The following NPAS2 variants were observed in gnomAD, a reference collection of about 807,000 sequenced individuals.
NPAS2 encodes the protein neuronal PAS domain-containing protein 2.
In NPAS2, 23 loss-of-function variants were observed where a neutral mutation model predicts 107.5. The observed-to-expected ratio is 0.21, with a 90% confidence interval of 0.15 to 0.30. The LOEUF is 0.30. NPAS2 is among the 10% of genes least tolerant of loss of function. The pLI, the probability that NPAS2 is intolerant of heterozygous loss-of-function variation, is 1.00. For synonymous variants in NPAS2, 403 were observed against 417.5 expected, an observed-to-expected ratio of 0.97 and a Z score of 0.42; for missense variants, 756 against 1,043.3, an observed-to-expected ratio of 0.72 and a Z score of 3.79.
chr2:100,918,717 GA>G (rs1377677523), intron 2 of NPAS2, among the ~76,000 whole-genome samples: 8 of 152,288 alleles, frequency 5.3e-5, no homozygotes, highest in Non-Finnish European at 1.0e-4. Flanking sequence ...AACTTTCTTA[GA>G]TTAGCTAAAA....
chr2:100,860,576 A>G lies in NPAS2; in HGVS notation c.-23+40162A>G, dbSNP rs550821772. Among the ~76,000 whole-genome samples, 22 of 152,216 alleles carry G rather than the reference A, an allele frequency of 1.4e-4. 1 individual carries two copies. In the South Asian group the frequency reaches 4.1e-3, roughly 29 times the overall value. ...TGCCAAATGGTAAGTTTCTAATTCAATCCTCCCTTCTACGTGTGTTAGTTG... is the reference window on the plus strand; with the variant it reads ...TGCCAAATGGTAAGTTTCTAATTCAGTCCTCCCTTCTACGTGTGTTAGTTG... On this transcript the variant is annotated intron_variant, in intron 1 of 20. Transcript: ENST00000335681.
chr2:100,843,193 T>TG (rs1397661621), intron 1 of NPAS2, among the ~76,000 whole-genome samples: 2 of 147,014 alleles, frequency 1.4e-5, no homozygotes, highest in East Asian at 2.0e-4. Flanking sequence ...CACTCCAGCC[T>TG]GGTGACAGAG....
At chr2:100,964,355 T>C (rs1036092835) in intron 8 of NPAS2, among the ~76,000 whole-genome samples, 179 bp downstream of exon 8, 3 of 152,256 alleles carry the variant, frequency 2.0e-5, no homozygotes, top group Admixed American at 2.0e-4. Context: ...CCCCGTTTCC[T>C]GCAAGTGGTT....
chr2:100,909,691 A>G (rs1205776240), intron 2 of NPAS2, among the ~76,000 whole-genome samples: 2 of 150,088 alleles, frequency 1.3e-5, no homozygotes, highest in Non-Finnish European at 3.0e-5. Context: ...AAGCTCCCAC[A>G]CGGGGGGAAA....
chr2:100,914,584 T>C (rs1000650034), intron 2 of NPAS2, among the ~76,000 whole-genome samples: 5 of 152,184 alleles, frequency 3.3e-5, no homozygotes, highest in African/African-American at 9.7e-5. Context: ...CCCAGAAATA[T>C]GTTTCTTCAA....
chr2:100,858,947 AGTT>A (rs1678757902), intron 1 of NPAS2, among the ~76,000 whole-genome samples: 1 of 152,188 alleles, frequency 6.6e-6, no homozygotes, highest in South Asian at 2.1e-4. Flanking sequence ...CAAGAATATA[AGTT>A]GTTGGAGTAA....
intron 2 of NPAS2, among the ~76,000 whole-genome samples, chr2:100,909,491 G>A (rs1682389435): frequency 6.6e-6 from 1 of 152,232 alleles, no homozygotes; most frequent in Admixed American, 6.5e-5. Context: ...CAGAAAGGCT[G>A]TAGCCCTTTT....
chr2:100,967,812 T>C lies in NPAS2; in HGVS notation c.908-469T>C, dbSNP rs1573745628. 5.3e-5 allele frequency among the ~76,000 whole-genome samples: 8 copies of C among 152,286 alleles called. No homozygotes were observed. In the South Asian group the frequency reaches 1.5e-3, roughly 28 times the overall value. On this transcript the variant is annotated intron_variant, in intron 10 of 20. Transcript: ENST00000335681. ...GAGGCATCTGTCCCCGACTCTTTAT[T>C]TGAGAACTGTGTCGACTGGGCATGA...
At chr2:100,860,097 A>G (rs547975151) in intron 1 of NPAS2, among the ~76,000 whole-genome samples, 4 of 152,360 alleles carry the variant, frequency 2.6e-5, no homozygotes, top group African/African-American at 9.6e-5. Context: ...CTACAGATTC[A>G]GGATCCAATA....
chr2:100,989,650 G>A (rs989579011), intron 17 of NPAS2: 1 of 152,302 alleles, frequency 6.6e-6, no homozygotes, highest in Admixed American at 6.5e-5. Context: ...CTCCCTGCGT[G>A]CCAGGCACTA....
intron 1 of NPAS2, among the ~76,000 whole-genome samples, chr2:100,825,880 G>A (rs969718696): frequency 2.0e-5 from 3 of 152,188 alleles, no homozygotes; most frequent in African/African-American, 4.8e-5. Flanking sequence ...GCTGACCTGC[G>A]GAAGAATGCA....
chr2:100,871,329 GTTTTTT>G (rs5832938), intron 1 of NPAS2, among the ~76,000 whole-genome samples: 1 of 127,554 alleles, frequency 7.8e-6, no homozygotes, highest in Non-Finnish European at 1.7e-5. Context: ...CTTCTTCCTT[GTTTTTT>G]TTTTTTTTTT....
At chr2:100,964,834 T>A (rs1676118526) in intron 8 of NPAS2, 27 bp from the exon 9 acceptor site, 1 of 1,417,166 alleles carries the variant, frequency 7.1e-7, no homozygotes, top group Non-Finnish European at 9.6e-7. Context: ...CCAAGCAACT[T>A]TTTTTTTTTT....
chr2:100,982,481 C>A, intron 16 of NPAS2, 104 bp downstream of exon 16: 1 of 1,287,792 alleles, frequency 7.8e-7, no homozygotes, highest in Non-Finnish European at 1.1e-6. Flanking sequence ...CTGTGAACTG[C>A]CCTGCCAAGC....
chr2:100,946,556 G>A lies in NPAS2; in HGVS notation c.364-1679G>A, dbSNP rs867132970. Among the ~76,000 whole-genome samples, 11 of 152,246 alleles carry A rather than the reference G, an allele frequency of 7.2e-5. No individual in the cohort carries two copies. In the South Asian group the frequency reaches 8.3e-4, roughly 11 times the overall value. On this transcript the variant is annotated intron_variant, in intron 5 of 20. Coordinates refer to ENST00000335681, the MANE Select transcript of NPAS2 (RefSeq NM_002518.4). ...GGATTAGAGAAGTGCTGGGAGCTGG[G>A]AGAGGCAGAGGCTGAGCTGTGAAGA... is the stretch of plus-strand genomic sequence containing the variant.
chr2:100,954,556 T>C (rs567837313), intron 7 of NPAS2, among the ~76,000 whole-genome samples: 24 of 151,590 alleles, frequency 1.6e-4, no homozygotes, highest in Non-Finnish European at 2.5e-4. Context: ...TCCCAGCTAC[T>C]TGGGAGGCTG....
At chr2:100,853,804 G>T (rs1678374739) in intron 1 of NPAS2, among the ~76,000 whole-genome samples, 1 of 152,090 alleles carries the variant, frequency 6.6e-6, no homozygotes, top group African/African-American at 2.4e-5. Context: ...TGGCTGGGTG[G>T]AGGTATGAGG....
At chr2:100,926,466 A>G (rs984528043) in intron 3 of NPAS2, among the ~76,000 whole-genome samples, 6 of 152,192 alleles carry the variant, frequency 3.9e-5, no homozygotes, top group Admixed American at 3.3e-4. Flanking sequence ...TATGACTATT[A>G]TTAATATAAT....
intron 2 of NPAS2, among the ~76,000 whole-genome samples, chr2:100,921,801 G>A (rs909231654): frequency 3.3e-5 from 5 of 152,174 alleles, no homozygotes; most frequent in Admixed American, 2.6e-4. Flanking sequence ...ACGCTTAGCA[G>A]ATGACCCAGC....
Sources: allele counts gnomAD v4.1 joint callset (sites outside exome capture counted in the v4.1 genomes callset), GRCh38; gene constraint gnomAD v4.1.1; transcripts MANE v1.5; gene names NCBI Gene and HGNC (gene_info 2026-07-23, HGNC 2026-07-21).